The following PCLO variants were observed in gnomAD, a reference collection of about 807,000 sequenced individuals.
PCLO encodes the protein piccolo presynaptic cytomatrix protein, also known as protein piccolo.
PCLO carries 82 observed loss-of-function variants against 427.5 expected under a neutral mutation model. The observed-to-expected ratio is 0.19, with a 90% confidence interval of 0.16 to 0.23. The LOEUF (loss-of-function observed/expected upper bound fraction) is 0.23. Among genes scored for constraint, PCLO ranks in the 10% least tolerant of loss-of-function variants. The pLI, the probability that PCLO is intolerant of heterozygous loss-of-function variation, is 1.00. For synonymous variants in PCLO, 2,357 were observed against 2,155.4 expected (o/e 1.09, Z -2.59); for missense variants, 6,239 against 6,115.9 (o/e 1.02, Z -0.67).
At chr7:82,857,260 A>G (rs1227290451) in intron 10 of PCLO, among the ~76,000 whole-genome samples, 2 of 152,256 alleles carry the variant, frequency 1.3e-5, no homozygotes, top group Admixed American at 6.5e-5. Context: ...GAAATCCACA[A>G]TTAATTGAAT....
chr7:82,936,044 T>C (rs1002768510), intron 6 of PCLO, among the ~76,000 whole-genome samples: 15 of 151,706 alleles, frequency 9.9e-5, no homozygotes, highest in African/African-American at 2.4e-4. Context: ...CTAGGAAATA[T>C]AGAACTTGAA....
chr7:83,044,580 T>G (rs1415432259), intron 3 of PCLO, among the ~76,000 whole-genome samples: 1 of 152,164 alleles, frequency 6.6e-6, no homozygotes, highest in African/African-American at 2.4e-5. Context: ...GTTTGTTTTT[T>G]GTGCAAAGTA....
intron 3 of PCLO, among the ~76,000 whole-genome samples, chr7:83,070,676 T>C (rs1789791571): frequency 6.6e-6 from 1 of 152,180 alleles, no homozygotes; most frequent in Non-Finnish European, 1.5e-5. Context: ...CGTGAGCCAC[T>C]GCACCCAGCA....
Position 83,162,638 on chromosome 7 carries a change from T to C in PCLO, c.-46A>G. On this transcript the variant is annotated 5_prime_UTR_variant, in exon 1 of 25. Coordinates refer to ENST00000333891, the MANE Select transcript of PCLO (RefSeq NM_033026.6). ...CGCCGCGCTCCCTCCTCGCGCCGCG[T>C]CCCAGTCGAGAAGCCCGCGGCCAGG... 1 of 1,489,948 alleles carries C rather than the reference T, an allele frequency of 6.7e-7. No individual in the cohort carries two copies. Among genetic ancestry groups the C allele is most frequent in the Non-Finnish European group, 8.9e-7 (1 of 1,124,552 alleles). The allele number at this position is 1,489,948 out of a possible 1,614,324, so 92.3% of individuals were successfully genotyped here. A position where few individuals can be genotyped will look rare whatever the true frequency, so the allele number is the denominator to read the frequency against.
Position 83,155,398 on chromosome 7 carries a change from C to A in PCLO, c.1243G>T (p.Val415Leu), listed in dbSNP as rs1008448932. Residue 415 changes from valine (V) to leucine (L), a missense_variant, in exon 2 of 25, where the codon GTG (valine) becomes TTG (leucine). Val to Leu is a conservative substitution (Grantham distance 32). Transcript: ENST00000333891. Reference protein sequence around the residue: ...PGPAKPPTQQVGTPKPLAQQP... With the variant: ...PGPAKPPTQQLGTPKPLAQQP... ...TGAGCTAGGGGTTTTGGTGTCCCCACCTGCTGGGTTGGAGGCTTTGCTGGC... is the reference window on the plus strand; with the variant it reads ...TGAGCTAGGGGTTTTGGTGTCCCCAACTGCTGGGTTGGAGGCTTTGCTGGC... 1 of 1,613,066 alleles carries A rather than the reference C, an allele frequency of 6.2e-7. No homozygotes were observed. The highest frequency in any genetic ancestry group is 1.1e-5 in the South Asian group (1 of 91,026).
intron 3 of PCLO, among the ~76,000 whole-genome samples, chr7:83,091,856 C>T (rs1790386460): frequency 6.6e-6 from 1 of 152,026 alleles, no homozygotes; most frequent in African/African-American, 2.4e-5. Flanking sequence ...GAAACAAATG[C>T]CTCTGGTTTA....
At chr7:82,981,024 AT>A (rs1562897205) in intron 3 of PCLO, among the ~76,000 whole-genome samples, 2 of 152,174 alleles carry the variant, frequency 1.3e-5, no homozygotes, top group Admixed American at 6.6e-5. Context: ...AGATGAGTCT[AT>A]AGTTAAAGAC....
In PCLO at chr7:83,135,254, G is replaced by T; in HGVS notation, c.2296C>A (p.Leu766Ile). 1 of 1,613,852 alleles carries T rather than the reference G, an allele frequency of 6.2e-7. No individual in the cohort carries two copies. The highest frequency in any genetic ancestry group is 1.1e-5 in the South Asian group (1 of 91,062). ...GTTGTTGCTGATGATGAAGATACAA[G>T]GTCAGTGGTTGGCTTTACCATCTTG... is the stretch of plus-strand genomic sequence containing the variant. The part of the protein sequence containing the change: ...QPKMVKPTTD[L>I]VSSSSATTKP... The change falls in exon 3 of 25, where the codon CTT becomes ATT. Residue 766 changes from leucine to isoleucine, a missense_variant. By Grantham distance (5) the Leu-to-Ile change is conservative. This residue lies in a region of PCLO where 4,677 missense variants were observed against 4,468.4 expected (regional missense o/e 1.05). Transcript: ENST00000333891.
chr7:82,979,335 T>A (rs1048303537), intron 3 of PCLO, among the ~76,000 whole-genome samples: 4 of 152,174 alleles, frequency 2.6e-5, no homozygotes, highest in African/African-American at 7.2e-5. Flanking sequence ...TTTGAAAACA[T>A]GATTTTTATT....
At chr7:82,770,932 C>T (rs190146885) in intron 22 of PCLO, among the ~76,000 whole-genome samples, 61 of 151,934 alleles carry the variant, frequency 4.0e-4, no homozygotes, top group African/African-American at 1.2e-3. Context: ...AAATTTAATT[C>T]CCAGAAATAT....
In PCLO at chr7:82,956,554, C is replaced by T. The variant is rs751801024; in HGVS notation, c.4399G>A (p.Glu1467Lys). The T allele has an allele frequency of 6.2e-7, 1 of 1,612,708 alleles. No individual in the cohort carries two copies. The highest frequency in any genetic ancestry group is 8.5e-7 in the Non-Finnish European group (1 of 1,179,554). ...ETLEITISEE[E>K]IKESQEERKD... ...CTTTCTTCTTGACTCTCTTTGATCT[C>T]CTCTTCTGAAATAGTAATTTCCAAG... Residue 1467 changes from glutamate to lysine, a missense_variant, in exon 5 of 25, where the codon GAG (glutamate) becomes AAG (lysine). This residue lies in a region of PCLO where 4,677 missense variants were observed against 4,468.4 expected (regional missense o/e 1.05). Coordinates refer to ENST00000333891, the MANE Select transcript of PCLO (RefSeq NM_033026.6).
intron 3 of PCLO, among the ~76,000 whole-genome samples, chr7:82,994,535 A>G (rs1796450098): frequency 6.6e-6 from 1 of 151,962 alleles, no homozygotes; most frequent in South Asian, 2.1e-4. Context: ...GAGACCATCA[A>G]ACAGTTTTTG....
chr7:83,057,335 TATATATATATA>T (rs1312531073), intron 3 of PCLO, among the ~76,000 whole-genome samples: 18 of 20,012 alleles, frequency 9.0e-4, no homozygotes, highest in East Asian at 3.1e-3. Context: ...TATATATATA[TATATATATATA>T]TATTTTTTTT....
At chr7:83,067,332 T>G (rs529433153) in intron 3 of PCLO, among the ~76,000 whole-genome samples, 1 of 152,316 alleles carries the variant, frequency 6.6e-6, no homozygotes, top group African/African-American at 2.4e-5. Flanking sequence ...TCCTCCTTTG[T>G]CTTCCCACTA....
chr7:82,790,754 CT>C (rs1791084350), intron 22 of PCLO, among the ~76,000 whole-genome samples: 1 of 152,168 alleles, frequency 6.6e-6, no homozygotes, highest in Admixed American at 6.5e-5. Flanking sequence ...TTCAGAGTTA[CT>C]ATACTTTTAA....
At chr7:82,850,890 G>A (rs1167413232) in intron 10 of PCLO, among the ~76,000 whole-genome samples, 1 of 152,124 alleles carries the variant, frequency 6.6e-6, no homozygotes, top group Non-Finnish European at 1.5e-5. Flanking sequence ...ACAGGAGGAA[G>A]TTCCAAAACT....
chr7:82,876,439 T>C (rs983770728), intron 10 of PCLO, among the ~76,000 whole-genome samples: 1 of 135,204 alleles, frequency 7.4e-6, no homozygotes, highest in Non-Finnish European at 1.5e-5. Context: ...CACAGAACTA[T>C]AGACAAAAAC....
At position 82,942,958 on chromosome 7, in the gene PCLO, G is replaced by C. The variant is rs564199355; in HGVS notation, c.11112+6518C>G. ...GCTTTCTTATATTGCTTTTCAAAGA[G>C]AATAATGAAAAATAACCCCTAATAA... On this transcript the variant is annotated intron_variant, in intron 6 of 24. Transcript: ENST00000333891. 1.1e-4 allele frequency among the ~76,000 whole-genome samples: 17 copies of C among 151,812 alleles called. No individual in the cohort carries two copies. In the East Asian group the frequency reaches 3.1e-3, roughly 28 times the overall value.
At chr7:83,031,653 C>G (rs562806367) in intron 3 of PCLO, among the ~76,000 whole-genome samples, 23 of 152,138 alleles carry the variant, frequency 1.5e-4, no homozygotes, top group African/African-American at 5.5e-4. Context: ...ACTTTCTTCT[C>G]TAAGAATCAC....
Sources: gnomAD v4.1 joint callset for allele counts (sites outside exome capture counted in the v4.1 genomes callset) on GRCh38, gnomAD v4.1.1 for gene constraint, gnomAD v4.1.1 regional missense constraint, MANE v1.5 for transcripts, NCBI Gene and HGNC (gene_info 2026-07-23, HGNC 2026-07-21) for gene names.